ATP2B2: variants seen among roughly 807,000 people sequenced by gnomAD.
ATP2B2 encodes plasma membrane calcium-transporting ATPase 2.
A neutral mutation model predicts 120.0 loss-of-function variants in ATP2B2; 15 were observed. That is an observed-to-expected ratio of 0.12 (90% CI 0.08 to 0.19). ATP2B2 has a LOEUF of 0.19. Ranked by LOEUF, ATP2B2 falls within the 10% of genes least tolerant of loss-of-function variation. The pLI, the probability that ATP2B2 is intolerant of heterozygous loss-of-function variation, is 1.00. For synonymous variants in ATP2B2, 694 were observed against 700.3 expected (o/e 0.99, Z 0.14); for missense variants, 1,045 against 1,719.8 (o/e 0.61, Z 6.94).
chr3:10,588,558 T>C (rs989967150), intron 2 of ATP2B2, among the ~76,000 whole-genome samples: 4 of 152,318 alleles, frequency 2.6e-5, no homozygotes, highest in Non-Finnish European at 4.4e-5. Flanking sequence ...TCACCTCCTC[T>C]GCCTATCTCT....
At chr3:10,584,906 G>C (rs867539347) in intron 2 of ATP2B2, among the ~76,000 whole-genome samples, 3 of 152,150 alleles carry the variant, frequency 2.0e-5, no homozygotes, top group African/African-American at 7.2e-5. Flanking sequence ...CAGTTGTTGA[G>C]ACAAAATCCA....
At chr3:10,381,459 C>G (rs1301933699) in intron 8 of ATP2B2, among the ~76,000 whole-genome samples, 1 of 152,190 alleles carries the variant, frequency 6.6e-6, no homozygotes, top group Admixed American at 6.5e-5. Context: ...GGTGTGTGCA[C>G]TCATTAAGCC....
At chr3:10,360,147 T>G in intron 12 of ATP2B2, 24 bp from the exon 13 acceptor site, 1 of 1,562,594 alleles carries the variant, frequency 6.4e-7, no homozygotes, top group Non-Finnish European at 8.7e-7. Context: ...AAGGAGCGGC[T>G]GGCACCTGGT....
chr3:10,357,665 T>G (rs1178273247), intron 14 of ATP2B2, among the ~76,000 whole-genome samples: 1 of 152,150 alleles, frequency 6.6e-6, no homozygotes, highest in Non-Finnish European at 1.5e-5. Flanking sequence ...AAGGCCAATC[T>G]GGACCCAGCC....
intron 2 of ATP2B2, among the ~76,000 whole-genome samples, chr3:10,414,310 C>T (rs1350148416): frequency 6.6e-6 from 1 of 152,136 alleles, no homozygotes; most frequent in Non-Finnish European, 1.5e-5. Flanking sequence ...GGAAGTCAGG[C>T]CATATCATGC....
rs113757208 is a variant in ATP2B2, at chr3:10,482,671, C to G, written c.-320+22794G>C. Reference sequence around the variant, plus strand: ...GGCCCCACCAGTGCCAGGTCTCCCCCCTGAGGCCTCGCCAGTCACAGCTGC... The same window carrying G: ...GGCCCCACCAGTGCCAGGTCTCCCCGCTGAGGCCTCGCCAGTCACAGCTGC... On this transcript the variant is annotated intron_variant, in intron 1 of 22. Transcript: ENST00000360273. Among the ~76,000 whole-genome samples, 10 of 152,324 alleles carry G rather than the reference C, an allele frequency of 6.6e-5. No homozygotes were observed. In the South Asian group the frequency reaches 1.7e-3, roughly 25 times the overall value.
At chr3:10,453,639 C>G (rs9827446) in intron 1 of ATP2B2, among the ~76,000 whole-genome samples, 1 of 152,156 alleles carries the variant, frequency 6.6e-6, no homozygotes, top group South Asian at 2.1e-4. Flanking sequence ...TTTCTAAACC[C>G]GAGCTGCTGT....
At chr3:10,469,945 G>C (rs1424790967) in intron 1 of ATP2B2, among the ~76,000 whole-genome samples, 1 of 152,082 alleles carries the variant, frequency 6.6e-6, no homozygotes, top group South Asian at 2.1e-4. Context: ...ACCAAGCTCA[G>C]ATTTCAGGAG....
chr3:10,413,427 T>C (rs901798100), intron 2 of ATP2B2, among the ~76,000 whole-genome samples: 5 of 152,340 alleles, frequency 3.3e-5, no homozygotes, highest in Non-Finnish European at 5.9e-5. Context: ...TGGGATCCCA[T>C]GTCCTGCATG....
intron 2 of ATP2B2, among the ~76,000 whole-genome samples, chr3:10,588,314 C>T (rs771238798): frequency 6.6e-6 from 1 of 152,128 alleles, no homozygotes; most frequent in Admixed American, 6.5e-5. Flanking sequence ...GCAAAAGTCA[C>T]CTTATTGAGA....
chr3:10,438,298 A>G (rs2063541961), intron 2 of ATP2B2, among the ~76,000 whole-genome samples: 1 of 152,198 alleles, frequency 6.6e-6, no homozygotes, highest in Admixed American at 6.5e-5. Context: ...GGGAGGCCCC[A>G]GGGAACACTC....
chr3:10,370,876 T>C (rs912969787), intron 12 of ATP2B2, among the ~76,000 whole-genome samples: 9 of 152,190 alleles, frequency 5.9e-5, no homozygotes, highest in African/African-American at 2.2e-4. Flanking sequence ...AGTTTGGGTT[T>C]CTCTTCATCT....
At chr3:10,486,360 T>TGTGTGC (rs4039760) in intron 1 of ATP2B2, among the ~76,000 whole-genome samples, 4 of 151,758 alleles carry the variant, frequency 2.6e-5, no homozygotes, top group African/African-American at 9.7e-5. Context: ...TGTGTGTGTG[T>TGTGTGC]CTCAGCCCTG....
chr3:10,414,171 C>A (rs2062705842), intron 2 of ATP2B2, among the ~76,000 whole-genome samples: 1 of 152,162 alleles, frequency 6.6e-6, no homozygotes, highest in African/African-American at 2.4e-5. Context: ...GTAGGTGAGG[C>A]CAGCCAAACT....
intron 1 of ATP2B2, among the ~76,000 whole-genome samples, chr3:10,474,225 G>A (rs964018920): frequency 2.6e-5 from 4 of 152,088 alleles, no homozygotes; most frequent in Non-Finnish European, 5.9e-5. Context: ...TCGGGGAAGG[G>A]AGCAGGCTTT....
intron 1 of ATP2B2, among the ~76,000 whole-genome samples, chr3:10,499,931 CTTTTTTTTTTTT>C (rs57211710): frequency 2.6e-5 from 3 of 117,608 alleles, no homozygotes; most frequent in Non-Finnish European, 5.2e-5. Context: ...TGGGCACATT[CTTTTTTTTTTTT>C]TTTTTTTTTT....
intron 2 of ATP2B2, among the ~76,000 whole-genome samples, chr3:10,607,957 C>T (rs555065106): frequency 2.0e-5 from 3 of 152,300 alleles, no homozygotes; most frequent in East Asian, 3.9e-4. Context: ...CTTCCACCTG[C>T]TCCTTCTCCC....
At chr3:10,421,813 A>G (rs765796651) in intron 2 of ATP2B2, among the ~76,000 whole-genome samples, 1 of 152,180 alleles carries the variant, frequency 6.6e-6, no homozygotes, top group Non-Finnish European at 1.5e-5. Flanking sequence ...GACTTGGCAC[A>G]TCTGGCTTCG....
At position 10,358,712 on chromosome 3, in the gene ATP2B2, G is replaced by A. The variant is rs144982689; in HGVS notation, c.2115C>T (p.Ile705=). 111 of 1,614,178 alleles carry A rather than the reference G, an allele frequency of 6.9e-5. No homozygotes were observed. The African/African-American group carries it at 1.2e-3, about 18-fold the overall frequency. The change falls in exon 14 of 23, where the codon ATC becomes ATT. Residue 705 remains isoleucine, a synonymous_variant. Coordinates refer to ENST00000360273, the MANE Select transcript of ATP2B2 (RefSeq NM_001001331.4). The stretch of plus-strand genomic sequence containing the variant: ...CTACCTCTGGCCGCACCGGGTCCTC[G>A]ATGCCCACCACGCAGATGCAGGTGA... ...NELTCICVVG[I]EDPVRPEVPE... is the part of the protein sequence containing the mutation.
Sources: gnomAD v4.1 joint callset for allele counts (sites outside exome capture counted in the v4.1 genomes callset) on GRCh38, gnomAD v4.1.1 for gene constraint, MANE v1.5 for transcripts, NCBI Gene and HGNC (gene_info 2026-07-23, HGNC 2026-07-21) for gene names.